RIF1: variants seen among roughly 807,000 people sequenced by gnomAD.
The protein encoded by RIF1 is replication timing regulatory factor 1.
RIF1 carries 45 observed loss-of-function variants against 247.1 expected under a neutral mutation model. The ratio of observed to expected loss-of-function variants is 0.18; its 90% CI spans 0.14 to 0.23. The LOEUF (loss-of-function observed/expected upper bound fraction) is 0.23, where lower values mean the gene tolerates loss of function less well. Among genes scored for constraint, RIF1 ranks in the 10% least tolerant of loss-of-function variants. The probability of loss-of-function intolerance (pLI) is 1.00; values close to 1 mark genes in which losing one functional copy is unlikely to be tolerated. For synonymous variants in RIF1, 1,087 were observed against 978.8 expected (o/e 1.11, Z -2.06); for missense variants, 2,967 against 2,862.5 (o/e 1.04, Z -0.83).
downstream of RIF1, chr2:151,512,617 C>T: frequency 1.2e-6 from 1 of 822,428 alleles, no homozygotes. Context: ...CCTGGTGAAT[C>T]TCTTTTTTAT....
At chr2:151,513,187 C>T in the RIF1 span, among the ~76,000 whole-genome samples, 7 of 152,102 alleles carry the variant, frequency 4.6e-5, no homozygotes, top group African/African-American at 1.7e-4. Context: ...GCTAAGATGC[C>T]TAAAAACTGT....
the RIF1 span, among the ~76,000 whole-genome samples, chr2:151,523,181 T>A: frequency 6.6e-6 from 1 of 152,258 alleles, no homozygotes; most frequent in Non-Finnish European, 1.5e-5. Context: ...CACTGTTTTT[T>A]TGTTGGTGGT....
chr2:151,436,543 A>AG (rs1180305722), intron 11 of RIF1, among the ~76,000 whole-genome samples: 1 of 150,760 alleles, frequency 6.6e-6, no homozygotes, highest in Admixed American at 6.6e-5. Flanking sequence ...TCTGTCTCAA[A>AG]AAAAAAAAAA....
At chr2:151,456,464 A>G in intron 22 of RIF1, 114 bp from the exon 23 acceptor site, 4 of 606,752 alleles carry the variant, frequency 6.6e-6, no homozygotes, top group South Asian at 2.1e-5. Flanking sequence ...ACCTTTTTAT[A>G]TCATCAATTT....
the RIF1 span, among the ~76,000 whole-genome samples, chr2:151,531,448 C>G: frequency 8.6e-5 from 13 of 151,294 alleles, no homozygotes; most frequent in East Asian, 1.4e-3. Flanking sequence ...TCCTGAGTAG[C>G]TGGGACCACA....
rs200154514 is a variant in RIF1, at chr2:151,465,353, G to A, written c.5833G>A (p.Glu1945Lys). Residue 1945 changes from glutamate (E) to lysine (K), a missense_variant, in exon 30 of 36, where the codon GAA (glutamate) becomes AAA (lysine). Transcript: ENST00000444746. ...TATTTCTGAAGAAGCAGCAATAGAA[G>A]AAAATAAAAGAAATGATGACTCTGA... The part of the protein sequence containing the change: ...TGISEEAAIE[E>K]NKRNDDSEAD... The A allele has an allele frequency of 1.2e-5, 20 of 1,613,620 alleles. No homozygotes were observed. The highest frequency in any genetic ancestry group is 2.7e-5 in the African/African-American group (2 of 74,870).
chr2:151,433,048 CTT>C (rs1214647233), intron 9 of RIF1, 27 bp from the exon 10 acceptor site: 18 of 1,581,972 alleles, frequency 1.1e-5, no homozygotes, highest in East Asian at 2.2e-5. Context: ...TTGGACGTCT[CTT>C]TAACTGTGTG....
At chr2:151,503,257 G>T in intron 12 of RIF1, 2 of 905,338 alleles carry the variant, frequency 2.2e-6, no homozygotes, top group Non-Finnish European at 3.6e-6. Flanking sequence ...ACACAGAATT[G>T]CTGTTAAGAT....
At chr2:151,414,210 T>C (rs966866909) in intron 3 of RIF1, among the ~76,000 whole-genome samples, 2 of 151,498 alleles carry the variant, frequency 1.3e-5, no homozygotes, top group African/African-American at 4.9e-5. Context: ...CTCTTGAACC[T>C]GGGAAGCAGA....
intron 10 of RIF1, chr2:151,496,144 A>G (rs114687041): frequency 0.014 from 14,283 of 1,044,938 alleles, 660 homozygotes; most frequent in East Asian, 0.14. Flanking sequence ...AAAGGAAAAA[A>G]GGGTAAATTT....
intron 23 of RIF1, among the ~76,000 whole-genome samples, chr2:151,457,529 A>G (rs1695408631): frequency 6.6e-6 from 1 of 152,230 alleles, no homozygotes; most frequent in Non-Finnish European, 1.5e-5. Flanking sequence ...TAATTATTAC[A>G]AAAACATAAT....
chr2:151,493,347 A>G (rs1256344913), intron 9 of RIF1: 1 of 1,599,968 alleles, frequency 6.3e-7, no homozygotes, highest in Non-Finnish European at 8.6e-7. Flanking sequence ...TAGTCCTAGA[A>G]AATACCGAGC....
At chr2:151,517,332 G>A in the RIF1 span, among the ~76,000 whole-genome samples, 34 of 152,264 alleles carry the variant, frequency 2.2e-4, no homozygotes, top group Admixed American at 6.5e-4. Flanking sequence ...CGAGCTCTTG[G>A]GTTGTAACAA....
chr2:151,502,688 TATCATTA>T, intron 11 of RIF1: 1 of 712,430 alleles, frequency 1.4e-6, no homozygotes, highest in Non-Finnish European at 2.4e-6. Flanking sequence ...TAATATTTGG[TATCATTA>T]TTTTCATTAT....
chr2:151,453,438 A>T (rs899670175), intron 21 of RIF1, among the ~76,000 whole-genome samples: 1 of 152,010 alleles, frequency 6.6e-6, no homozygotes, highest in South Asian at 2.1e-4. Context: ...TTAGCAAGCC[A>T]TGGTGGTGCG....
intron 16 of RIF1, 62 bp downstream of exon 16, chr2:151,442,053 A>G (rs558653488): frequency 4.1e-5 from 10 of 243,018 alleles, no homozygotes; most frequent in African/African-American, 1.7e-4. Context: ...TCCCTTTTTT[A>G]TTTTATTTTA....
chr2:151,514,151 A>T, the RIF1 span, among the ~76,000 whole-genome samples: 2 of 152,332 alleles, frequency 1.3e-5, no homozygotes, highest in South Asian at 2.1e-4. Flanking sequence ...TCAGAAATTG[A>T]GGTATATTTT....
intron 2 of RIF1, 111 bp downstream of exon 2, chr2:151,410,638 T>C: frequency 1.1e-6 from 1 of 884,620 alleles, no homozygotes; most frequent in Non-Finnish European, 1.8e-6. Flanking sequence ...GTCTAGCAAA[T>C]GTGAGGACGC....
chr2:151,522,264 C>T, the RIF1 span, among the ~76,000 whole-genome samples: 5 of 151,812 alleles, frequency 3.3e-5, no homozygotes, highest in East Asian at 1.9e-4. Context: ...AGAACAGTCC[C>T]GAGAATTAGA....
Sources: gnomAD v4.1 joint callset for allele counts (sites outside exome capture counted in the v4.1 genomes callset) on GRCh38, gnomAD v4.1.1 for gene constraint, MANE v1.5 for transcripts, NCBI Gene and HGNC (gene_info 2026-07-23, HGNC 2026-07-21) for gene names.